Variants in TP63 observed in about 807,000 individuals in gnomAD.
TP63 encodes tumor protein p63.
TP63 carries 17 observed loss-of-function variants against 82.8 expected under a neutral mutation model. The observed-to-expected ratio is 0.21, with a 90% CI of 0.14 to 0.31. TP63 has a LOEUF of 0.31. TP63 is among the 10% of genes least tolerant of loss of function. The pLI, the probability that TP63 is intolerant of heterozygous loss-of-function variation, is 1.00. For missense variants in TP63, 648 were observed against 895.3 expected (o/e 0.72, Z 3.52); for synonymous variants, 330 against 321.7 (o/e 1.03, Z -0.28).
At position 189,847,273 on chromosome 3, in the gene TP63, G is replaced by A. The variant is rs116194074; in HGVS notation, c.580-16959G>A. Among the ~76,000 whole-genome samples the A allele has an allele frequency of 5.7e-3, 865 of 152,234 alleles. 8 individuals are homozygous for A. The highest frequency in any genetic ancestry group is 0.02 in the African/African-American group (826 of 41,566). ...CTCAGGAGGCTGAGGCAGGAGAGTCGCTAGAACCTTGGAGGCAGAGGTTGC... is the reference window on the plus strand; with the variant it reads ...CTCAGGAGGCTGAGGCAGGAGAGTCACTAGAACCTTGGAGGCAGAGGTTGC... On this transcript the variant is annotated intron_variant, in intron 4 of 13. Coordinates refer to ENST00000264731, the MANE Select transcript of TP63 (RefSeq NM_003722.5).
intron 4 of TP63, among the ~76,000 whole-genome samples, chr3:189,850,633 C>T (rs1009688694): frequency 3.9e-5 from 6 of 151,998 alleles, no homozygotes; most frequent in African/African-American, 9.7e-5. Flanking sequence ...TGCTAAATGA[C>T]GAGTTAATGG....
intron 1 of TP63, among the ~76,000 whole-genome samples, chr3:189,657,492 T>C (rs372278405): frequency 3.4e-4 from 51 of 152,186 alleles, no homozygotes; most frequent in African/African-American, 1.2e-3. Context: ...GACTATAAAA[T>C]GAAGACAAAA....
intron 1 of TP63, among the ~76,000 whole-genome samples, chr3:189,649,683 G>A (rs928318712): frequency 6.8e-6 from 1 of 146,794 alleles, no homozygotes; most frequent in Admixed American, 6.7e-5. Flanking sequence ...AATAAGGCCT[G>A]TCAGATTAAG....
At chr3:189,755,443 A>G (rs532777515) in intron 3 of TP63, among the ~76,000 whole-genome samples, 2 of 152,246 alleles carry the variant, frequency 1.3e-5, no homozygotes, top group Non-Finnish European at 2.9e-5. Flanking sequence ...GATTTAATAA[A>G]ACATTTGTGA....
At chr3:189,710,395 G>C (rs1381605037) in intron 1 of TP63, among the ~76,000 whole-genome samples, 1 of 152,134 alleles carries the variant, frequency 6.6e-6, no homozygotes, top group Non-Finnish European at 1.5e-5. Flanking sequence ...TCAGCTTTCA[G>C]ATTCCTGCTT....
At chr3:189,699,435 A>T (rs1717637506) in intron 1 of TP63, among the ~76,000 whole-genome samples, 1 of 152,238 alleles carries the variant, frequency 6.6e-6, no homozygotes, top group South Asian at 2.1e-4. Context: ...AAGTTTGGAC[A>T]TATTTTTCCT....
At chr3:189,679,383 A>G (rs1715716544) in intron 1 of TP63, among the ~76,000 whole-genome samples, 1 of 151,968 alleles carries the variant, frequency 6.6e-6, no homozygotes, top group African/African-American at 2.4e-5. Flanking sequence ...GATGATTAGT[A>G]ATGTTTGCCA....
At chr3:189,649,985 G>T (rs987199572) in intron 1 of TP63, among the ~76,000 whole-genome samples, 4 of 147,186 alleles carry the variant, frequency 2.7e-5, no homozygotes, top group Non-Finnish European at 4.5e-5. Flanking sequence ...TATAGACCAA[G>T]TTTAGGGGCT....
intron 3 of TP63, among the ~76,000 whole-genome samples, chr3:189,783,186 CATA>C (rs1724357484): frequency 6.6e-6 from 1 of 151,774 alleles, no homozygotes. Context: ...TAAAATTTAA[CATA>C]ATGCATTCAA....
chr3:189,768,919 A>T (rs561387479), intron 3 of TP63, among the ~76,000 whole-genome samples: 1 of 152,302 alleles, frequency 6.6e-6, no homozygotes, highest in Non-Finnish European at 1.5e-5. Context: ...ACCAGAGAAG[A>T]TTCAATCTAG....
chr3:189,658,084 G>A (rs947265714), intron 1 of TP63, among the ~76,000 whole-genome samples: 3 of 151,898 alleles, frequency 2.0e-5, no homozygotes, highest in African/African-American at 7.2e-5. Context: ...AAAGTAAAGC[G>A]TTTCTAACAA....
Position 189,692,801 on chromosome 3 carries a change from G to T in TP63, c.63-44939G>T, listed in dbSNP as rs566487673. On this transcript the variant is annotated intron_variant, in intron 1 of 13. Transcript: ENST00000264731. ...CAAAAGCTGCTCACAGCTATGAGTG[G>T]CCAATCTGTTTACTGAACTCCTTCT... is the stretch of plus-strand genomic sequence containing the variant. 1.6e-3 allele frequency among the ~76,000 whole-genome samples: 243 copies of T among 152,224 alleles called. 1 individual carries two copies. Among genetic ancestry groups the T allele is most frequent in the Non-Finnish European group, 2.7e-3 (184 of 68,012 alleles).
At chr3:189,864,993 C>T (rs548406075) in intron 5 of TP63, among the ~76,000 whole-genome samples, 8 of 151,046 alleles carry the variant, frequency 5.3e-5, no homozygotes, top group South Asian at 2.1e-4. Context: ...GGCGACAGAG[C>T]GAGACTCCAT....
intron 3 of TP63, among the ~76,000 whole-genome samples, chr3:189,769,967 A>G (rs1723212654): frequency 6.6e-6 from 1 of 152,228 alleles, no homozygotes; most frequent in African/African-American, 2.4e-5. Flanking sequence ...ATAACTTACA[A>G]CAGATTGTTT....
At chr3:189,781,478 G>A (rs1038359995) in intron 3 of TP63, among the ~76,000 whole-genome samples, 10 of 152,164 alleles carry the variant, frequency 6.6e-5, no homozygotes, top group Non-Finnish European at 1.2e-4. Flanking sequence ...GGTGCAGACC[G>A]GCAGCAATTA....
intron 3 of TP63, among the ~76,000 whole-genome samples, chr3:189,783,970 A>G (rs1027842348): frequency 6.6e-6 from 1 of 151,936 alleles, no homozygotes; most frequent in African/African-American, 2.4e-5. Flanking sequence ...TCAAAATATA[A>G]TGATAACTAA....
chr3:189,728,825 G>A (rs1324655170), intron 1 of TP63, among the ~76,000 whole-genome samples: 1 of 152,100 alleles, frequency 6.6e-6, no homozygotes, highest in South Asian at 2.1e-4. Context: ...CACAGGTGGC[G>A]GAGAACCTCC....
chr3:189,800,307 A>G (rs1726150713), intron 3 of TP63, among the ~76,000 whole-genome samples: 1 of 152,100 alleles, frequency 6.6e-6, no homozygotes, highest in Admixed American at 6.6e-5. Context: ...TGAGGCCTTT[A>G]TTCTAGGAGA....
At chr3:189,803,555 A>G (rs1396644760) in intron 3 of TP63, among the ~76,000 whole-genome samples, 2 of 152,228 alleles carry the variant, frequency 1.3e-5, no homozygotes, top group Non-Finnish European at 2.9e-5. Context: ...TTTGAGATTC[A>G]GCTCCTGGGT....
Sources: allele counts gnomAD v4.1 joint callset (sites outside exome capture counted in the v4.1 genomes callset), GRCh38; gene constraint gnomAD v4.1.1; transcripts MANE v1.5; gene names NCBI Gene and HGNC (gene_info 2026-07-23, HGNC 2026-07-21).